Variants in NHSL2 observed in about 807,000 individuals in gnomAD.
The protein encoded by NHSL2 is NHS like 2, also known as NHS-like protein 2.
NHSL2 carries 27 observed loss-of-function variants against 53.4 expected under a neutral mutation model. The ratio of observed to expected loss-of-function variants is 0.51; its 90% CI spans 0.37 to 0.70. The LOEUF is 0.70. NHSL2 is among the 30% of genes least tolerant of loss of function. The pLI is 0.00. For missense variants in NHSL2, 892 were observed against 980.1 expected (o/e 0.91, Z 1.20); for synonymous variants, 408 against 404.1 (o/e 1.01, Z -0.12).
chrX:72,062,985 G>A (rs748638127), intron 1 of NHSL2, among the ~76,000 whole-genome samples: 10 of 111,751 alleles, frequency 8.9e-5, no homozygotes, highest in Non-Finnish European at 1.7e-4. Context: ...ACTAAATGGG[G>A]CTCAAAATGG....
intron 1 of NHSL2, among the ~76,000 whole-genome samples, chrX:71,982,726 G>C (rs2041985174): frequency 8.9e-6 from 1 of 112,474 alleles, no homozygotes; most frequent in Non-Finnish European, 1.9e-5. Flanking sequence ...GCCTACCCAA[G>C]TAGAACATGG....
At chrX:71,937,117 C>T (rs891020449) in intron 1 of NHSL2, among the ~76,000 whole-genome samples, 3 of 112,167 alleles carry the variant, frequency 2.7e-5, no homozygotes, top group Non-Finnish European at 5.6e-5. Flanking sequence ...CTGTTAGGAG[C>T]TCTCTCCTAG....
intron 1 of NHSL2, among the ~76,000 whole-genome samples, chrX:72,116,590 A>G (rs1233375022): frequency 8.9e-6 from 1 of 112,233 alleles, no homozygotes; most frequent in Non-Finnish European, 1.9e-5. Flanking sequence ...TAGAGGACTC[A>G]TGATAAAGGA....
chrX:71,968,328 C>T (rs1421738749), intron 1 of NHSL2, among the ~76,000 whole-genome samples: 1 of 111,074 alleles, frequency 9.0e-6, no homozygotes, highest in East Asian at 2.8e-4. Context: ...TGAAGTGGAA[C>T]CTGCCACTTC....
rs763998410 is a variant in NHSL2, at chrX:72,048,339, G to A, written c.281-83740G>A. 8.5e-4 allele frequency among the ~76,000 whole-genome samples: 94 copies of A among 111,039 alleles called. 1 individual carries two copies. The highest frequency in any genetic ancestry group is 1.1e-3 in the Admixed American group (11 of 10,450). ...GAAAAGGTGGTTATTAGGAAGGAATGGGAGCCAGAGTGCGTGTGGGTAGGG... is the reference window on the plus strand; with the variant it reads ...GAAAAGGTGGTTATTAGGAAGGAATAGGAGCCAGAGTGCGTGTGGGTAGGG... On this transcript the variant is annotated intron_variant, in intron 1 of 7. Transcript: ENST00000633930.
At chrX:72,052,001 G>A (rs901006434) in intron 1 of NHSL2, among the ~76,000 whole-genome samples, 1 of 112,483 alleles carries the variant, frequency 8.9e-6, no homozygotes, top group Non-Finnish European at 1.9e-5. Flanking sequence ...CTCTATTATA[G>A]TATTTATCCC....
At chrX:71,992,811 G>A (rs997752234) in intron 1 of NHSL2, among the ~76,000 whole-genome samples, 2 of 111,978 alleles carry the variant, frequency 1.8e-5, no homozygotes, top group African/African-American at 6.5e-5. Flanking sequence ...CATTAGAGCT[G>A]GGCTGGGTTG....
rs777354507 is a variant in NHSL2 at position 72,130,205 on chromosome X, C to T, written c.281-1874C>T. On this transcript the variant is annotated intron_variant, in intron 1 of 7. Coordinates refer to ENST00000633930, the MANE Select transcript of NHSL2 (RefSeq NM_001013627.3). ...TCCTCCTCCACCTCACCATAGGTCT[C>T]CTCAGTCCCTGGATCCTGCTGTGGC... The T allele has an allele frequency of 7.4e-6, 9 of 1,208,184 alleles. No homozygotes were observed. The Admixed American group carries it at 1.3e-4, about 18-fold the overall frequency.
intron 1 of NHSL2, among the ~76,000 whole-genome samples, chrX:72,115,090 C>T (rs1351567896): frequency 1.8e-5 from 2 of 111,384 alleles, no homozygotes; most frequent in Non-Finnish European, 3.8e-5. Context: ...GAACACACAG[C>T]GAGGTCGTGA....
intron 1 of NHSL2, among the ~76,000 whole-genome samples, chrX:71,980,045 C>G (rs2041968194): frequency 1.8e-5 from 2 of 112,022 alleles, no homozygotes; most frequent in South Asian, 7.5e-4. Flanking sequence ...TTGTATTTGT[C>G]AGGTTTGTCA....
intron 1 of NHSL2, among the ~76,000 whole-genome samples, chrX:72,097,515 A>G (rs1032655300): frequency 8.9e-6 from 1 of 112,103 alleles, no homozygotes; most frequent in Non-Finnish European, 1.9e-5. Flanking sequence ...TAAAGAATTT[A>G]TTCCATTTGC....
chrX:72,116,458 T>C (rs2042139557), intron 1 of NHSL2, among the ~76,000 whole-genome samples: 1 of 112,596 alleles, frequency 8.9e-6, no homozygotes, highest in Non-Finnish European at 1.9e-5. Context: ...ATCACAAACC[T>C]TTGAAATGTG....
chrX:72,131,286 G>A (rs754097427), intron 1 of NHSL2: 1 of 1,196,043 alleles, frequency 8.4e-7, no homozygotes, highest in African/African-American at 1.8e-5. Flanking sequence ...GGCACAAGAA[G>A]GGCAGTTCTC....
intron 1 of NHSL2, among the ~76,000 whole-genome samples, chrX:72,075,735 G>A (rs1368018197): frequency 3.6e-5 from 4 of 111,305 alleles, no homozygotes; most frequent in Non-Finnish European, 7.5e-5. Context: ...GATGAAATCA[G>A]GTGCTGCATG....
intron 1 of NHSL2, among the ~76,000 whole-genome samples, chrX:72,018,156 G>A (rs1240260021): frequency 1.8e-5 from 2 of 111,850 alleles, no homozygotes; most frequent in East Asian, 5.6e-4. Flanking sequence ...TGACTTTCAA[G>A]GACCTCTATG....
chrX:72,025,801 G>C (rs1039357883), intron 1 of NHSL2, among the ~76,000 whole-genome samples: 1 of 111,864 alleles, frequency 8.9e-6, no homozygotes, highest in Non-Finnish European at 1.9e-5. Flanking sequence ...TTGATGCTTG[G>C]CAGCCAGGGC....
At chrX:72,090,365 G>A (rs888464218) in intron 1 of NHSL2, among the ~76,000 whole-genome samples, 3 of 111,387 alleles carry the variant, frequency 2.7e-5, no homozygotes, top group Non-Finnish European at 5.7e-5. Context: ...GTGCCCGGCC[G>A]TATCTTTTTA....
At chrX:71,922,759 A>G (rs1055723147) in intron 1 of NHSL2, among the ~76,000 whole-genome samples, 3 of 112,569 alleles carry the variant, frequency 2.7e-5, no homozygotes, top group African/African-American at 9.7e-5. Context: ...TGAAGAAAAG[A>G]TTAAATACTG....
intron 1 of NHSL2, among the ~76,000 whole-genome samples, chrX:72,063,532 C>T (rs1013743424): frequency 3.6e-5 from 4 of 112,259 alleles, no homozygotes; most frequent in Non-Finnish European, 7.5e-5. Context: ...TTTTAACCAT[C>T]ACTGCAGATC....
Sources: allele counts gnomAD v4.1 joint callset (sites outside exome capture counted in the v4.1 genomes callset), GRCh38; gene constraint gnomAD v4.1.1; transcripts MANE v1.5; gene names NCBI Gene and HGNC (gene_info 2026-07-23, HGNC 2026-07-21).